NR5A2: variants seen among roughly 807,000 people sequenced by gnomAD.
The protein encoded by NR5A2 is CYP7A promoter-binding factor.
NR5A2 carries 26 observed loss-of-function variants against 62.7 expected under a neutral mutation model. That is an observed-to-expected ratio of 0.41 (90% confidence interval 0.30 to 0.58). NR5A2 has a LOEUF of 0.58. Among genes scored for constraint, NR5A2 ranks in the 20% least tolerant of loss-of-function variants. The pLI, the probability that NR5A2 is intolerant of heterozygous loss-of-function variation, is 0.22. For synonymous variants in NR5A2, 246 were observed against 241.7 expected (o/e 1.02, Z -0.16); for missense variants, 541 against 669.1 (o/e 0.81, Z 2.11).
chr1:200,118,090 C>A (rs1392714987), intron 6 of NR5A2, among the ~76,000 whole-genome samples: 1 of 140,090 alleles, frequency 7.1e-6, no homozygotes, highest in Non-Finnish European at 1.5e-5. Flanking sequence ...AATCTCAGTT[C>A]ACCGCAACAT....
chr1:200,129,894 C>A (rs1028533366), intron 7 of NR5A2, among the ~76,000 whole-genome samples: 1 of 152,152 alleles, frequency 6.6e-6, no homozygotes, highest in East Asian at 1.9e-4. Flanking sequence ...GATGAACCCC[C>A]CAGAAAGGAA....
At chr1:200,093,765 G>A (rs533879203) in intron 5 of NR5A2, among the ~76,000 whole-genome samples, 2 of 152,238 alleles carry the variant, frequency 1.3e-5, no homozygotes, top group East Asian at 3.9e-4. Context: ...ATTTTGCCTC[G>A]AGGAAGAGTT....
chr1:200,149,273 CAT>C (rs1475801961), intron 7 of NR5A2, among the ~76,000 whole-genome samples: 2 of 152,182 alleles, frequency 1.3e-5, no homozygotes, highest in African/African-American at 4.8e-5. Flanking sequence ...TACTGGCACA[CAT>C]ATTCAAAAGA....
rs181860869 is a variant in NR5A2 at position 200,096,721 on chromosome 1, G to A, written c.1111-14481G>A. 1.9e-3 allele frequency among the ~76,000 whole-genome samples: 292 copies of A among 152,276 alleles called. 1 individual carries two copies. The highest frequency in any genetic ancestry group is 3.4e-3 in the Middle Eastern group (1 of 294). On this transcript the variant is annotated intron_variant, in intron 5 of 7. Coordinates refer to ENST00000367362, the MANE Select transcript of NR5A2 (RefSeq NM_205860.3). ...GCATAACGATGCTTCATAAATGATG[G>A]ACTGCATATATGATGGTGGTCCCAA...
In NR5A2 at chr1:200,027,733, G is replaced by A; in HGVS notation, c.-115G>A. On this transcript the variant is annotated 5_prime_UTR_variant, in exon 1 of 8. Transcript: ENST00000367362. ...TTGCTTTTTCTTAACTTTCACTAAG[G>A]GTTACTGTAGTCTGATGTGTCCTTC... The A allele has an allele frequency of 1.7e-6, 1 of 573,004 alleles. No homozygotes were observed. The highest frequency in any genetic ancestry group is 3.1e-6 in the Non-Finnish European group (1 of 324,034). 35.5% of individuals were successfully genotyped at this position (573,004 alleles called of 1,614,324 possible).
Position 200,106,064 on chromosome 1 carries a change from C to CTGTTTT in NR5A2, c.1111-5137_1111-5136insGTTTTT, listed in dbSNP as rs72295630. 5.8e-3 allele frequency among the ~76,000 whole-genome samples: 849 copies of CTGTTTT among 147,630 alleles called. 6 individuals are homozygous for CTGTTTT. The highest frequency in any genetic ancestry group is 9.5e-3 in the Non-Finnish European group (636 of 67,260). ...CTAATTGTTGGCCAGATTCACTCTT[C>CTGTTTT]TTTTTTTTTTTGAGACAGAGTCTTG... On this transcript the variant is annotated intron_variant, in intron 5 of 7. Coordinates refer to ENST00000367362, the MANE Select transcript of NR5A2 (RefSeq NM_205860.3).
intron 4 of NR5A2, among the ~76,000 whole-genome samples, chr1:200,046,762 T>C (rs1168989449): frequency 6.6e-6 from 1 of 152,224 alleles, no homozygotes; most frequent in African/African-American, 2.4e-5. Flanking sequence ...CTACATACAG[T>C]AAGAGACTCA....
chr1:200,112,427 T>C (rs1558146397), intron 6 of NR5A2, among the ~76,000 whole-genome samples: 2 of 152,220 alleles, frequency 1.3e-5, no homozygotes, highest in Admixed American at 1.3e-4. Flanking sequence ...ACTGCATTGT[T>C]CAGCAATGGT....
intron 5 of NR5A2, among the ~76,000 whole-genome samples, chr1:200,074,653 C>T (rs61819921): frequency 0.073 from 10,659 of 146,468 alleles, 416 homozygotes; most frequent in Middle Eastern, 0.12. Flanking sequence ...AGGAGAATGG[C>T]GGGAACCCAG....
At position 200,039,012 on chromosome 1, in the gene NR5A2, C is replaced by G. The variant is rs1399041576; in HGVS notation, c.65-646C>G. On this transcript the variant is annotated intron_variant, in intron 1 of 7. Coordinates refer to ENST00000367362, the MANE Select transcript of NR5A2 (RefSeq NM_205860.3). This position sits in a 1 kb window ranked among gnomAD's most constrained non-coding sequence, Gnocchi z 5.1. ...TTACCTCCTTCTCCCCCTCGTCTTCCCCCCTGTCCTTCCCAGCACCGTCAC... is the reference window on the plus strand; with the variant it reads ...TTACCTCCTTCTCCCCCTCGTCTTCGCCCCTGTCCTTCCCAGCACCGTCAC... Among the ~76,000 whole-genome samples, 5 of 152,018 alleles carry G rather than the reference C, an allele frequency of 3.3e-5. No individual in the cohort carries two copies. The highest frequency in any genetic ancestry group is 1.2e-4 in the African/African-American group (5 of 41,402).
intron 5 of NR5A2, among the ~76,000 whole-genome samples, chr1:200,064,104 G>A (rs1663360629): frequency 6.6e-6 from 1 of 150,742 alleles, no homozygotes; most frequent in South Asian, 2.1e-4. Context: ...AGCCAAGATT[G>A]CACCATCGCG....
chr1:200,140,283 C>A (rs1227358230), intron 7 of NR5A2, among the ~76,000 whole-genome samples: 1 of 151,988 alleles, frequency 6.6e-6, no homozygotes, highest in Non-Finnish European at 1.5e-5. Context: ...CACTATGTTG[C>A]CCAGGCTGGT....
At chr1:200,044,825 A>G (rs955329467) in intron 3 of NR5A2, among the ~76,000 whole-genome samples, 1 of 152,132 alleles carries the variant, frequency 6.6e-6, no homozygotes, top group Non-Finnish European at 1.5e-5. Context: ...GTGTGCTACA[A>G]TTCAGCTATC....
At position 200,048,229 on chromosome 1, in the gene NR5A2, G is replaced by C. The variant is rs987775691; in HGVS notation, c.521G>C (p.Arg174Thr). 1.9e-6 allele frequency: 3 copies of C among 1,613,910 alleles called. No individual in the cohort carries two copies. The highest frequency in any genetic ancestry group is 1.7e-5 in the Admixed American group (1 of 59,980). ...GRNKFGPMYK[R>T]DRALKQQKKA... ...AATAAGTTTGGGCCAATGTACAAGAGAGACAGGGCCCTGAAGCAACAGAAA... is the reference window on the plus strand; with the variant it reads ...AATAAGTTTGGGCCAATGTACAAGACAGACAGGGCCCTGAAGCAACAGAAA... The change falls in exon 5 of 8, where the codon AGA (arginine) becomes ACA (threonine). Residue 174 changes from arginine to threonine, a missense_variant. Physicochemically the swap from Arg to Thr is moderately conservative, Grantham distance 71. Transcript: ENST00000367362. The surrounding 1 kb of genome is among the most constrained non-coding windows in gnomAD (Gnocchi z 4.8).
At position 200,174,282 on chromosome 1, in the gene NR5A2, G is replaced by A. The variant is rs187662223; in HGVS notation, c.*72G>A. 1.7e-5 allele frequency: 25 copies of A among 1,438,000 alleles called. No individual in the cohort carries two copies. The highest frequency in any genetic ancestry group is 7.5e-5 in the Admixed American group (3 of 40,102). 89.1% of individuals were successfully genotyped at this position (1,438,000 alleles called of 1,614,324 possible). On this transcript the variant is annotated 3_prime_UTR_variant, in exon 8 of 8. Transcript: ENST00000367362. The stretch of plus-strand genomic sequence containing the variant: ...GGAGTGGGGAGGGGGAAGAAGAACA[G>A]GAAGAAAAAAAGTACTCTGAACTGC...
chr1:200,160,291 T>C (rs559346550), intron 7 of NR5A2, among the ~76,000 whole-genome samples: 1 of 152,354 alleles, frequency 6.6e-6, no homozygotes, highest in African/African-American at 2.4e-5. Flanking sequence ...ATCTTTTGTC[T>C]TCTAGTCTAA....
At chr1:200,033,144 A>G (rs1344221590) in intron 1 of NR5A2, among the ~76,000 whole-genome samples, 2 of 152,138 alleles carry the variant, frequency 1.3e-5, no homozygotes, top group Non-Finnish European at 2.9e-5. Context: ...CCTACTCTGG[A>G]GTTTCCTGGA....
intron 5 of NR5A2, among the ~76,000 whole-genome samples, chr1:200,108,081 C>CGT (rs71132660): frequency 0.019 from 2,846 of 146,832 alleles, 33 homozygotes; most frequent in Middle Eastern, 0.052. Flanking sequence ...AGAAGACATA[C>CGT]GTGTGTGTGT....
At chr1:200,043,575 T>C (rs1662220012) in intron 2 of NR5A2, among the ~76,000 whole-genome samples, 199 bp from the exon 3 acceptor site, 1 of 152,248 alleles carries the variant, frequency 6.6e-6, no homozygotes, top group South Asian at 2.1e-4. Flanking sequence ...CATGGAATTA[T>C]ATGAGGTCCA....
Sources: gnomAD v4.1 joint callset for allele counts (sites outside exome capture counted in the v4.1 genomes callset) on GRCh38, gnomAD v4.1.1 for gene constraint, Gnocchi (gnomAD v3.1) non-coding constraint, MANE v1.5 for transcripts, NCBI Gene and HGNC (gene_info 2026-07-23, HGNC 2026-07-21) for gene names.